The following ARHGAP6 variants were observed in gnomAD, a reference collection of about 807,000 sequenced individuals.
ARHGAP6 encodes the protein rho GTPase-activating protein 6.
A neutral mutation model predicts 55.7 loss-of-function variants in ARHGAP6; 16 were observed. That is an observed-to-expected ratio of 0.29 (90% CI 0.19 to 0.44). The LOEUF (loss-of-function observed/expected upper bound fraction) is 0.44. Among genes scored for constraint, ARHGAP6 ranks in the 20% least tolerant of loss-of-function variants. The pLI, the probability that ARHGAP6 is intolerant of heterozygous loss-of-function variation, is 1.00. For synonymous variants in ARHGAP6, 382 were observed against 360.9 expected (o/e 1.06, Z -0.66); for missense variants, 698 against 808.9 (o/e 0.86, Z 1.66).
chrX:11,504,315 T>A (rs907459061), intron 1 of ARHGAP6, among the ~76,000 whole-genome samples: 2 of 111,624 alleles, frequency 1.8e-5, no homozygotes, highest in African/African-American at 6.5e-5. Flanking sequence ...ACTATTGACA[T>A]TTTAGACTAG....
At chrX:11,294,629 T>C in intron 1 of ARHGAP6, 1 of 622,980 alleles carries the variant, frequency 1.6e-6, no homozygotes, top group East Asian at 3.3e-5. Context: ...GAGCTGGAAA[T>C]CACATATGAC....
chrX:11,640,348 T>A (rs888869510), intron 1 of ARHGAP6, among the ~76,000 whole-genome samples: 2 of 111,555 alleles, frequency 1.8e-5, no homozygotes, highest in Non-Finnish European at 3.8e-5. Flanking sequence ...AAATACTCAT[T>A]TATTCAGTGA....
intron 1 of ARHGAP6, among the ~76,000 whole-genome samples, chrX:11,641,712 A>G (rs753818999): frequency 8.9e-6 from 1 of 112,089 alleles, no homozygotes; most frequent in Non-Finnish European, 1.9e-5. Context: ...CAAGACATAC[A>G]TTCTGCATGT....
chrX:11,501,599 A>G (rs1283972669), intron 1 of ARHGAP6, among the ~76,000 whole-genome samples: 1 of 111,784 alleles, frequency 8.9e-6, no homozygotes, highest in Non-Finnish European at 1.9e-5. Context: ...TGACTCCCCA[A>G]AAACTTTACT....
intron 1 of ARHGAP6, among the ~76,000 whole-genome samples, chrX:11,442,762 G>A (rs776995199): frequency 4.2e-4 from 47 of 111,617 alleles, no homozygotes; most frequent in Non-Finnish European, 3.8e-5. Context: ...CACTGTCAGG[G>A]TAGACGTAGT....
intron 1 of ARHGAP6, among the ~76,000 whole-genome samples, chrX:11,590,976 C>T (rs915485469): frequency 2.8e-5 from 3 of 106,861 alleles, no homozygotes; most frequent in Non-Finnish European, 5.8e-5. Context: ...GGGGGCCAGG[C>T]TCAGTGGCTC....
intron 1 of ARHGAP6, among the ~76,000 whole-genome samples, chrX:11,278,592 G>C (rs1461229103): frequency 8.9e-6 from 1 of 111,821 alleles, no homozygotes; most frequent in Non-Finnish European, 1.9e-5. Flanking sequence ...ATGGTAATTT[G>C]TCACAGCCAT....
chrX:11,250,182 CTTAA>C (rs1301847528), intron 2 of ARHGAP6, among the ~76,000 whole-genome samples: 2 of 112,152 alleles, frequency 1.8e-5, no homozygotes, highest in Non-Finnish European at 3.8e-5. Context: ...ACTACCTTCA[CTTAA>C]TTATTTTCCC....
chrX:11,391,330 G>C (rs977177885), intron 1 of ARHGAP6, among the ~76,000 whole-genome samples: 3 of 111,152 alleles, frequency 2.7e-5, no homozygotes, highest in Non-Finnish European at 5.7e-5. Flanking sequence ...GGGCAGAGGA[G>C]GGAGGGATAG....
chrX:11,223,750 C>T (rs754046371), intron 2 of ARHGAP6, among the ~76,000 whole-genome samples: 9 of 111,597 alleles, frequency 8.1e-5, no homozygotes, highest in East Asian at 2.8e-4. Flanking sequence ...GGAAATCTTA[C>T]GGGATGAATG....
chrX:11,340,746 C>T (rs1205031456), intron 1 of ARHGAP6, among the ~76,000 whole-genome samples: 3 of 110,233 alleles, frequency 2.7e-5, no homozygotes, highest in African/African-American at 6.6e-5. Flanking sequence ...AAAAAGATTT[C>T]GCCTTCAGAT....
chrX:11,606,853 T>C (rs5935125), intron 1 of ARHGAP6, among the ~76,000 whole-genome samples: 3,444 of 111,910 alleles, frequency 0.031, 69 homozygotes, highest in Middle Eastern at 0.07. Flanking sequence ...GAAGACCACT[T>C]CACAAAACAT....
intron 1 of ARHGAP6, among the ~76,000 whole-genome samples, chrX:11,300,996 T>C: frequency 8.9e-6 from 1 of 112,047 alleles, no homozygotes; most frequent in African/African-American, 3.2e-5. Context: ...AATGAAAATT[T>C]ATGAATATGT....
At chrX:11,310,444 C>G (rs1244233321) in intron 1 of ARHGAP6, among the ~76,000 whole-genome samples, 1 of 111,091 alleles carries the variant, frequency 9.0e-6, no homozygotes, top group East Asian at 2.8e-4. Flanking sequence ...CCAAATAATC[C>G]ATCAACAGAT....
intron 1 of ARHGAP6, among the ~76,000 whole-genome samples, chrX:11,518,514 T>C (rs778942608): frequency 8.8e-5 from 9 of 102,344 alleles, no homozygotes; most frequent in Non-Finnish European, 1.4e-4. Context: ...AATTTAAGTA[T>C]TGGAAAGGCA....
chrX:11,183,298 G>T (rs1368163884), intron 5 of ARHGAP6, among the ~76,000 whole-genome samples: 1 of 111,321 alleles, frequency 9.0e-6, no homozygotes, highest in Non-Finnish European at 1.9e-5. Context: ...CCTCTGAATG[G>T]TGCACAGGTC....
At chrX:11,149,490 G>T (rs2045745179) in intron 10 of ARHGAP6, among the ~76,000 whole-genome samples, 1 of 111,075 alleles carries the variant, frequency 9.0e-6, no homozygotes, top group Non-Finnish European at 1.9e-5. Context: ...GGCAGTTAAT[G>T]CTTCATAATT....
intron 1 of ARHGAP6, among the ~76,000 whole-genome samples, chrX:11,536,682 G>C (rs2051107272): frequency 8.9e-6 from 1 of 112,185 alleles, no homozygotes; most frequent in Non-Finnish European, 1.9e-5. Flanking sequence ...AATTTAACTT[G>C]TGGTATGAAA....
chrX:11,331,610 G>A (rs1438922745), intron 1 of ARHGAP6, among the ~76,000 whole-genome samples: 1 of 111,769 alleles, frequency 8.9e-6, no homozygotes, highest in Non-Finnish European at 1.9e-5. Context: ...CCCACTAAAT[G>A]AGTAAAACCA....
Sources: gnomAD v4.1 joint callset for allele counts (sites outside exome capture counted in the v4.1 genomes callset) on GRCh38, gnomAD v4.1.1 for gene constraint, MANE v1.5 for transcripts, NCBI Gene and HGNC (gene_info 2026-07-23, HGNC 2026-07-21) for gene names.